The following NIPAL3 variants were observed in gnomAD, a reference collection of about 807,000 sequenced individuals.
NIPAL3 encodes the protein NIPA-like protein 3.
Under a neutral mutation model 47.2 loss-of-function variants are expected in NIPAL3, and 41 were observed. That is an observed-to-expected ratio of 0.87 (90% CI 0.68 to 1.13). NIPAL3 has a LOEUF of 1.13. Among genes scored for constraint, NIPAL3 ranks in the 50% most tolerant of loss-of-function variants. The pLI, the probability that NIPAL3 is intolerant of heterozygous loss-of-function variation, is 0.00. For missense variants in NIPAL3, 449 were observed against 530.1 expected, an observed-to-expected ratio of 0.85 and a Z score of 1.50; for synonymous variants, 194 against 209.6, an observed-to-expected ratio of 0.93 and a Z score of 0.64.
chr1:24,467,552 C>T (rs981228508), intron 11 of NIPAL3, among the ~76,000 whole-genome samples: 2 of 152,206 alleles, frequency 1.3e-5, no homozygotes, highest in Admixed American at 6.5e-5. Flanking sequence ...CTGCCTCTTA[C>T]TAGCTGTGTG....
intron 9 of NIPAL3, among the ~76,000 whole-genome samples, chr1:24,459,577 G>T (rs1479519833): frequency 6.6e-6 from 1 of 152,196 alleles, no homozygotes; most frequent in Admixed American, 6.5e-5. Flanking sequence ...AATCCAATAA[G>T]AACTAAGTGC....
At chr1:24,414,756 A>C (rs1643941971), upstream of NIPAL3, 1 of 151,950 alleles carries the variant, frequency 6.6e-6, no homozygotes, top group Non-Finnish European at 1.5e-5. Context: ...GGCTGGTCTC[A>C]AACTCCTGGG....
rs200554314 is a variant in NIPAL3, at chr1:24,449,646, G to A, written c.540+20G>A. The A allele has an allele frequency of 9.5e-5, 153 of 1,607,030 alleles. No individual in the cohort carries two copies. In the Middle Eastern group the frequency reaches 1.7e-3, roughly 17 times the overall value. ...TACATGGTAAGAGAAGCCTCCAGTC[G>A]TTCCCCCTGAGATGGCAGGAGGGAG... On this transcript the variant is annotated intron_variant, in intron 6 of 11. Coordinates refer to ENST00000374399, the MANE Select transcript of NIPAL3 (RefSeq NM_020448.5). The surrounding 1 kb of genome is among the most constrained non-coding windows in gnomAD (Gnocchi z 4.5).
At chr1:24,466,764 A>G (rs554754476) in intron 11 of NIPAL3, among the ~76,000 whole-genome samples, 26 of 152,340 alleles carry the variant, frequency 1.7e-4, no homozygotes, top group African/African-American at 6.3e-4. Flanking sequence ...TCCAAAAGGT[A>G]ATCCAGGCCT....
At chr1:24,461,577 T>C (rs996624123) in intron 10 of NIPAL3, among the ~76,000 whole-genome samples, 1 of 149,998 alleles carries the variant, frequency 6.7e-6, no homozygotes, top group Non-Finnish European at 1.5e-5. Context: ...TTTTAAAAAT[T>C]TGGCCTTGGC....
chr1:24,447,867 T>C (rs1387631222), intron 5 of NIPAL3, among the ~76,000 whole-genome samples: 1 of 152,256 alleles, frequency 6.6e-6, no homozygotes, highest in Non-Finnish European at 1.5e-5. Context: ...TCTCACCTAT[T>C]GAGCCAGGTG....
rs2148825647 is a variant in NIPAL3 at position 24,449,725 on chromosome 1, G to C, written c.540+99G>C. On this transcript the variant is annotated intron_variant, in intron 6 of 11. Coordinates refer to ENST00000374399, the MANE Select transcript of NIPAL3 (RefSeq NM_020448.5). This position sits in a 1 kb window ranked among gnomAD's most constrained non-coding sequence, Gnocchi z 4.5. ...TACCCAGCAATAGGGGATTCCGTGA[G>C]TTGCGGCACATTTTACCAGCATGAA... 7.7e-7 allele frequency: 1 copy of C among 1,299,732 alleles called. No homozygotes were observed. The highest frequency in any genetic ancestry group is 2.5e-5 in the East Asian group (1 of 39,868). 80.5% of individuals were successfully genotyped at this position (1,299,732 alleles called of 1,614,324 possible).
chr1:24,448,152 A>G (rs1645761697), intron 5 of NIPAL3, among the ~76,000 whole-genome samples: 2 of 152,232 alleles, frequency 1.3e-5, no homozygotes, highest in Non-Finnish European at 2.9e-5. Context: ...GATAAAAGAC[A>G]TTTAACATGG....
rs1644210998 is a variant in NIPAL3, at chr1:24,419,449, GGT to G, written c.-97_-96del. On this transcript the variant is annotated 5_prime_UTR_variant, in exon 2 of 12. Coordinates refer to ENST00000374399, the MANE Select transcript of NIPAL3 (RefSeq NM_020448.5). ...GAGGAAGTGACGGCTGCTGGAGGGA[GGT>G]GAACACCACAAGGAGAGATGGCATC... The G allele has an allele frequency of 3.6e-6, 5 of 1,394,230 alleles. No homozygotes were observed. Among genetic ancestry groups the G allele is most frequent in the Non-Finnish European group, 4.7e-6 (5 of 1,069,734 alleles). 86.4% of individuals were successfully genotyped at this position (1,394,230 alleles called of 1,614,324 possible).
chr1:24,460,668 T>A (rs527601880), intron 10 of NIPAL3, 124 bp downstream of exon 10: 77 of 733,778 alleles, frequency 1.0e-4, no homozygotes, highest in African/African-American at 1.0e-3. Context: ...TGTGGGGTTT[T>A]GGAGCTTTGT....
intron 7 of NIPAL3, 36 bp from the exon 8 acceptor site, chr1:24,456,101 CT>C (rs746198690): frequency 1.2e-5 from 20 of 1,612,924 alleles, no homozygotes; most frequent in Admixed American, 1.7e-5. Flanking sequence ...CTGCATTTCC[CT>C]GAGGCTCCCC....
intron 2 of NIPAL3, among the ~76,000 whole-genome samples, chr1:24,438,881 T>C (rs1288575998): frequency 2.6e-5 from 3 of 116,932 alleles, no homozygotes; most frequent in African/African-American, 8.3e-5. Flanking sequence ...CTTGCTATAG[T>C]GTGGTTTAAA....
intron 2 of NIPAL3, among the ~76,000 whole-genome samples, chr1:24,437,284 T>C (rs951166349): frequency 6.6e-6 from 1 of 152,202 alleles, no homozygotes; most frequent in Non-Finnish European, 1.5e-5. Flanking sequence ...TCATTATATT[T>C]GTAAATACAA....
intron 11 of NIPAL3, among the ~76,000 whole-genome samples, chr1:24,468,482 C>T (rs1356580165): frequency 6.6e-6 from 1 of 152,204 alleles, no homozygotes; most frequent in Non-Finnish European, 1.5e-5. Flanking sequence ...CAAATCTCAC[C>T]TTCCCCTATA....
rs1031819734 is a variant in NIPAL3 at position 24,416,729 on chromosome 1, T to C, written c.-258+825T>C. The C allele has an allele frequency of 2.6e-5, 4 of 152,086 alleles. No homozygotes were observed. 9.4% of individuals were successfully genotyped at this position (152,086 alleles called of 1,614,324 possible). A position where few individuals can be genotyped will look rare whatever the true frequency, so the allele number is the denominator to read the frequency against. ...AGAGAGTCACCAGGTGAAAAGTATG[T>C]GTCTTATAAGGGAGTACAGCTTGCA... On this transcript the variant is annotated intron_variant, in intron 1 of 11. Coordinates refer to ENST00000374399, the MANE Select transcript of NIPAL3 (RefSeq NM_020448.5). The surrounding 1 kb of genome is among the most constrained non-coding windows in gnomAD (Gnocchi z 4.8).
At chr1:24,466,990 T>C (rs195727) in intron 11 of NIPAL3, among the ~76,000 whole-genome samples, 93,876 of 152,060 alleles carry the variant, frequency 0.62, 28,886 homozygotes, top group East Asian at 0.72. Context: ...GATCCCACCT[T>C]GGTCTCTGGT....
upstream of NIPAL3, chr1:24,415,171 T>C (rs1570138124): frequency 6.6e-6 from 1 of 152,342 alleles, no homozygotes; most frequent in Non-Finnish European, 1.5e-5. Flanking sequence ...TCCATGCGCA[T>C]GTTAATTATC....
chr1:24,419,504 C>T lies in NIPAL3; in HGVS notation c.-44C>T, dbSNP rs1449653472. 4 of 1,545,710 alleles carry T rather than the reference C, an allele frequency of 2.6e-6. No homozygotes were observed. The highest frequency in any genetic ancestry group is 3.5e-6 in the Non-Finnish European group (4 of 1,143,994). On this transcript the variant is annotated 5_prime_UTR_variant, in exon 2 of 12. Transcript: ENST00000374399. ...GCCTGGGCCCCGCCTAGCAGCAGCT[C>T]CACCTCCTAGGCCAGGCCCTGTGGG...
intron 7 of NIPAL3, 80 bp downstream of exon 7, chr1:24,453,584 G>A: frequency 8.9e-7 from 1 of 1,118,128 alleles, no homozygotes; most frequent in Non-Finnish European, 1.3e-6. Context: ...TTGCAGAGCT[G>A]TAGCCGCTGG....
Sources: gnomAD v4.1 joint callset for allele counts (sites outside exome capture counted in the v4.1 genomes callset) on GRCh38, gnomAD v4.1.1 for gene constraint, Gnocchi (gnomAD v3.1) non-coding constraint, MANE v1.5 for transcripts, NCBI Gene and HGNC (gene_info 2026-07-23, HGNC 2026-07-21) for gene names.